AKAP19: variants seen among roughly 807,000 people sequenced by gnomAD.
AKAP19 encodes the protein small A-kinase anchoring protein.
chr2:190,194,720 A>C, the AKAP19 span, among the ~76,000 whole-genome samples: 1 of 152,030 alleles, frequency 6.6e-6, no homozygotes, highest in East Asian at 1.9e-4. Flanking sequence ...CTTGGCAACC[A>C]CTGGTCTTTT....
the AKAP19 span, among the ~76,000 whole-genome samples, chr2:189,979,564 C>T: frequency 1.2e-4 from 18 of 152,022 alleles, no homozygotes; most frequent in Admixed American, 2.6e-4. Context: ...TCAACAGAAA[C>T]CAAAATAGAT....
At chr2:189,983,371 T>C in the AKAP19 span, among the ~76,000 whole-genome samples, 81 of 152,280 alleles carry the variant, frequency 5.3e-4, no homozygotes, top group South Asian at 0.015. Context: ...GCTGCCATTC[T>C]ATGTAGGGAG....
chr2:190,026,504 G>T, the AKAP19 span, among the ~76,000 whole-genome samples: 285 of 152,284 alleles, frequency 1.9e-3, 1 homozygote, highest in Admixed American at 3.7e-3. Flanking sequence ...TATAGGAAAT[G>T]TATTAACCAG....
the AKAP19 span, among the ~76,000 whole-genome samples, chr2:190,038,917 TTCTTCTTCTTC>T: frequency 7.4e-6 from 1 of 134,506 alleles, no homozygotes; most frequent in African/African-American, 3.1e-5. Context: ...CTTCTTCTTC[TTCTTCTTCTTC>T]TTCTTCTTCT....
the AKAP19 span, among the ~76,000 whole-genome samples, chr2:190,026,785 G>A: frequency 6.6e-6 from 1 of 152,114 alleles, no homozygotes; most frequent in East Asian, 1.9e-4. Flanking sequence ...ACTGTATTGG[G>A]CACACTGGCA....
At chr2:189,908,122 AGTACCTTAAG>A in the AKAP19 span, among the ~76,000 whole-genome samples, 1 of 151,392 alleles carries the variant, frequency 6.6e-6, no homozygotes, top group Non-Finnish European at 1.5e-5. Context: ...TTCCTCTTCT[AGTACCTTAAG>A]GTGTAAAGTT....
At chr2:190,028,116 C>T in the AKAP19 span, among the ~76,000 whole-genome samples, 7 of 152,114 alleles carry the variant, frequency 4.6e-5, no homozygotes, top group African/African-American at 1.7e-4. Context: ...CTTTGCTTAG[C>T]TTTTTTATTA....
chr2:190,042,808 G>A, the AKAP19 span, among the ~76,000 whole-genome samples: 1 of 152,178 alleles, frequency 6.6e-6, no homozygotes, highest in African/African-American at 2.4e-5. Flanking sequence ...GCATGTATAA[G>A]TGTGTTAAGG....
the AKAP19 span, among the ~76,000 whole-genome samples, chr2:189,969,875 T>TG: frequency 2.0e-4 from 28 of 142,964 alleles, no homozygotes; most frequent in South Asian, 4.5e-4. Flanking sequence ...TCTTCTTTTT[T>TG]TTTTTTTTTT....
the AKAP19 span, among the ~76,000 whole-genome samples, chr2:189,992,725 A>G: frequency 1.8e-4 from 28 of 152,078 alleles, no homozygotes; most frequent in Admixed American, 1.8e-3. Context: ...TTCTATGTAG[A>G]GGTCTTTCAC....
At chr2:189,924,341 C>T in the AKAP19 span, 44 of 895,848 alleles carry the variant, frequency 4.9e-5, 1 homozygote, top group South Asian at 5.9e-4. Context: ...TTTCCCCATC[C>T]TTGTCCTTCC....
chr2:190,096,805 A>G, the AKAP19 span, among the ~76,000 whole-genome samples: 1 of 152,172 alleles, frequency 6.6e-6, no homozygotes, highest in South Asian at 2.1e-4. Context: ...GTGGCTGTGT[A>G]TAATATCTAG....
chr2:190,102,163 C>T, the AKAP19 span, among the ~76,000 whole-genome samples: 1 of 151,866 alleles, frequency 6.6e-6, no homozygotes, highest in Non-Finnish European at 1.5e-5. Context: ...CAGGTATACC[C>T]AAATCTCTGG....
the AKAP19 span, among the ~76,000 whole-genome samples, chr2:189,977,683 C>T: frequency 1.3e-5 from 2 of 152,192 alleles, no homozygotes; most frequent in African/African-American, 2.4e-5. Flanking sequence ...GATGTAACTG[C>T]TGGAGTGGTG....
At chr2:190,188,056 G>T in the AKAP19 span, among the ~76,000 whole-genome samples, 1 of 152,156 alleles carries the variant, frequency 6.6e-6, no homozygotes, top group Non-Finnish European at 1.5e-5. Flanking sequence ...GTATATATGT[G>T]TCTGTGCATT....
chr2:190,182,568 G>A, the AKAP19 span, among the ~76,000 whole-genome samples: 4 of 152,098 alleles, frequency 2.6e-5, no homozygotes. Context: ...GTCAGTAAAT[G>A]TTAGTTATCT....
the AKAP19 span, among the ~76,000 whole-genome samples, chr2:190,069,661 G>A: frequency 2.6e-5 from 4 of 152,118 alleles, no homozygotes; most frequent in African/African-American, 9.7e-5. Context: ...GGCTTTCAGA[G>A]AGTCATTCCA....
chr2:189,911,015 T>A, the AKAP19 span, among the ~76,000 whole-genome samples: 1 of 152,068 alleles, frequency 6.6e-6, no homozygotes, highest in African/African-American at 2.4e-5. Flanking sequence ...TCTATGGATT[T>A]ACATATTGAT....
chr2:190,058,934 A>G, the AKAP19 span, among the ~76,000 whole-genome samples: 2 of 151,852 alleles, frequency 1.3e-5, no homozygotes, highest in Non-Finnish European at 1.5e-5. Flanking sequence ...CCACTGTACA[A>G]TTCATCTATG....
Sources: allele counts gnomAD v4.1 joint callset (sites outside exome capture counted in the v4.1 genomes callset), GRCh38; gene constraint gnomAD v4.1.1; transcripts MANE v1.5; gene names NCBI Gene and HGNC (gene_info 2026-07-23, HGNC 2026-07-21).